Variants in DIP2B observed in about 807,000 individuals in gnomAD.
DIP2B encodes the protein DIP2 acetate--CoA ligase B (putative), also known as disco-interacting protein 2 homolog B.
A neutral mutation model predicts 198.0 loss-of-function variants in DIP2B; 76 were observed. The ratio of observed to expected loss-of-function variants is 0.38; its 90% CI spans 0.32 to 0.46. The LOEUF (loss-of-function observed/expected upper bound fraction) is 0.46. Among genes scored for constraint, DIP2B ranks in the 20% least tolerant of loss-of-function variants. The pLI, the probability that DIP2B is intolerant of heterozygous loss-of-function variation, is 0.99. For synonymous variants in DIP2B, 701 were observed against 739.1 expected (o/e 0.95, Z 0.84); for missense variants, 1,559 against 1,978.4 (o/e 0.79, Z 4.02).
chr12:50,560,113 C>T (rs533439048), intron 1 of DIP2B, among the ~76,000 whole-genome samples: 4 of 152,108 alleles, frequency 2.6e-5, no homozygotes, highest in African/African-American at 9.6e-5. Flanking sequence ...CCCATCTCTA[C>T]TAAAAATACA....
chr12:50,605,745 G>A (rs1381381762), intron 1 of DIP2B, among the ~76,000 whole-genome samples: 1 of 152,072 alleles, frequency 6.6e-6, no homozygotes, highest in Non-Finnish European at 1.5e-5. Context: ...TGTTTTCAAG[G>A]TTCAGTCATG....
chr12:50,541,963 C>G lies in DIP2B; in HGVS notation c.100+36723C>G, dbSNP rs1215951973. ...GTTGCAGTGAGCCGAAATTGCGCCA[C>G]TGCACTCCAGCCTAGGTGACAGAGA... On this transcript the variant is annotated intron_variant, in intron 1 of 37. Transcript: ENST00000301180. Among the ~76,000 whole-genome samples the G allele has an allele frequency of 2.7e-5, 4 of 149,480 alleles. No homozygotes were observed. The Admixed American group carries it at 2.7e-4, about 10-fold the overall frequency.
chr12:50,670,171 A>G (rs916384500), intron 4 of DIP2B, among the ~76,000 whole-genome samples: 7 of 114,534 alleles, frequency 6.1e-5, no homozygotes, highest in African/African-American at 2.0e-4. Context: ...ATTTAGGCCT[A>G]TTTTCCTGAA....
chr12:50,623,423 ACACACACACACACACTCTCT>A (rs533854205), intron 1 of DIP2B, among the ~76,000 whole-genome samples: 27,629 of 108,998 alleles, frequency 0.25, 2,947 homozygotes, highest in Non-Finnish European at 0.31. Flanking sequence ...ACACACACAC[ACACACACACACACACTCTCT>A]CTCTCTCTCT....
At chr12:50,596,173 A>C (rs1444860511) in intron 1 of DIP2B, among the ~76,000 whole-genome samples, 1 of 152,256 alleles carries the variant, frequency 6.6e-6, no homozygotes, top group Non-Finnish European at 1.5e-5. Flanking sequence ...ATTTACTTGT[A>C]AGTAAACTTA....
intron 1 of DIP2B, among the ~76,000 whole-genome samples, chr12:50,507,252 T>G (rs1957976020): frequency 6.6e-6 from 1 of 152,246 alleles, no homozygotes; most frequent in African/African-American, 2.4e-5. Context: ...TTCTTGTATT[T>G]CATTTGTTTT....
At chr12:50,691,289 T>G in intron 13 of DIP2B, 138 bp downstream of exon 13, 1 of 814,062 alleles carries the variant, frequency 1.2e-6, no homozygotes. Context: ...GGCTTGCTTT[T>G]GTTTTCTTCT....
In DIP2B at chr12:50,741,402, T is replaced by A; in HGVS notation, c.4355-14T>A. On this transcript the variant is annotated splice_polypyrimidine_tract_variant and intron_variant, in intron 36 of 37. Transcript: ENST00000301180. ...TATGTCCAAGCCACATTTCTCTCTT[T>A]TTCTTTCTGTCAGAGCGTCATGATG... The A allele has an allele frequency of 6.2e-7, 1 of 1,612,840 alleles. No homozygotes were observed. The highest frequency in any genetic ancestry group is 8.5e-7 in the Non-Finnish European group (1 of 1,179,548).
At chr12:50,649,107 C>A (rs1316607) in intron 3 of DIP2B, among the ~76,000 whole-genome samples, 48,553 of 151,904 alleles carry the variant, frequency 0.32, 7,938 homozygotes, top group South Asian at 0.39. Context: ...AAAAAGTAGA[C>A]CTAATAAGTG....
rs190603412 is a variant in DIP2B, at chr12:50,543,350, C to T, written c.100+38110C>T. Among the ~76,000 whole-genome samples the T allele has an allele frequency of 1.4e-3, 206 of 151,704 alleles. 2 individuals carry two copies. The highest frequency in any genetic ancestry group is 4.6e-3 in the African/African-American group (190 of 41,326). On this transcript the variant is annotated intron_variant, in intron 1 of 37. Coordinates refer to ENST00000301180, the MANE Select transcript of DIP2B (RefSeq NM_173602.3). ...TGTCACCTAGGCTGGAGTGCAGTGGCGCAATCTTGGCTCACCGCAACTTCC... is the reference window on the plus strand; with the variant it reads ...TGTCACCTAGGCTGGAGTGCAGTGGTGCAATCTTGGCTCACCGCAACTTCC...
At chr12:50,510,644 C>T (rs775480399) in intron 1 of DIP2B, among the ~76,000 whole-genome samples, 1 of 145,418 alleles carries the variant, frequency 6.9e-6, no homozygotes, top group African/African-American at 2.5e-5. Context: ...AGCTAAAGTA[C>T]CACCTTTTTT....
In DIP2B at chr12:50,731,463, AG is replaced by A. The variant is rs1270871652; in HGVS notation, c.3739del (p.Asp1247ThrfsTer8). On this transcript the variant is annotated frameshift_variant, in exon 31 of 38. Coordinates refer to ENST00000301180, the MANE Select transcript of DIP2B (RefSeq NM_173602.3). LOFTEE classifies it high-confidence loss of function. ...CTCCACAGTCAACCAGTACAAAATA[AG>A]GGACACTTTCTGCTCCTATTCAGTG... Reference protein sequence around the residue: ...WLSTVNQYKIRDTFCSYSVME... With the variant: ...WLSTVNQYKIXDTFCSYSVME... 6.2e-7 allele frequency: 1 copy of A among 1,614,158 alleles called. No individual in the cohort carries two copies.
chr12:50,519,339 G>A lies in DIP2B; in HGVS notation c.100+14099G>A, dbSNP rs1185119520. Among the ~76,000 whole-genome samples, 4 of 151,932 alleles carry A rather than the reference G, an allele frequency of 2.6e-5. 1 individual carries two copies. The highest frequency in any genetic ancestry group is 5.9e-5 in the Non-Finnish European group (4 of 67,972). On this transcript the variant is annotated intron_variant, in intron 1 of 37. Coordinates refer to ENST00000301180, the MANE Select transcript of DIP2B (RefSeq NM_173602.3). ...TCGCCTTAAACTCCTGGGCTCAAGC[G>A]ATCCTCCCTCCTTGGCCTCCCAAAG...
At chr12:50,649,155 T>C (rs1938409254) in intron 3 of DIP2B, among the ~76,000 whole-genome samples, 1 of 152,218 alleles carries the variant, frequency 6.6e-6, no homozygotes, top group Middle Eastern at 3.2e-3. Context: ...TTTAACACCA[T>C]GAAGACGCCA....
intron 1 of DIP2B, among the ~76,000 whole-genome samples, chr12:50,586,363 T>C (rs1958770676): frequency 6.6e-6 from 1 of 152,162 alleles, no homozygotes; most frequent in Admixed American, 6.6e-5. Flanking sequence ...ACATGGGGCC[T>C]GGACTCAAGT....
chr12:50,615,988 AC>A (rs1937694410), intron 1 of DIP2B, among the ~76,000 whole-genome samples: 1 of 152,212 alleles, frequency 6.6e-6, no homozygotes, highest in Non-Finnish European at 1.5e-5. Context: ...AAATAAACAT[AC>A]CTTTTGCATT....
intron 1 of DIP2B, among the ~76,000 whole-genome samples, chr12:50,567,126 A>AT (rs1958572058): frequency 2.0e-5 from 3 of 152,054 alleles, no homozygotes; most frequent in Admixed American, 2.0e-4. Flanking sequence ...CTGTTGTAAA[A>AT]TTTCCATTTG....
intron 4 of DIP2B, among the ~76,000 whole-genome samples, chr12:50,664,172 C>G (rs766369229): frequency 2.0e-5 from 3 of 152,128 alleles, no homozygotes; most frequent in Non-Finnish European, 2.9e-5. Flanking sequence ...TAGAGCTGCT[C>G]TTTTTGAGGG....
chr12:50,605,885 G>A (rs1958977132), intron 1 of DIP2B, among the ~76,000 whole-genome samples: 1 of 152,068 alleles, frequency 6.6e-6, no homozygotes, highest in African/African-American at 2.4e-5. Context: ...GCAGTAGCAT[G>A]ATCTCGGCTC....
Sources: allele counts gnomAD v4.1 joint callset (sites outside exome capture counted in the v4.1 genomes callset), GRCh38; gene constraint gnomAD v4.1.1; transcripts MANE v1.5; gene names NCBI Gene and HGNC (gene_info 2026-07-23, HGNC 2026-07-21).